Variants in PDE3A observed in about 807,000 individuals in gnomAD.
PDE3A encodes the protein phosphodiesterase 3A.
A neutral mutation model predicts 98.3 loss-of-function variants in PDE3A; 43 were observed. The ratio of observed to expected loss-of-function variants is 0.44; its 90% CI spans 0.34 to 0.56. PDE3A has a LOEUF of 0.56. Among genes scored for constraint, PDE3A ranks in the 20% least tolerant of loss-of-function variants. PDE3A has a pLI of 0.01. For missense variants in PDE3A, 1,427 were observed against 1,440.7 expected (o/e 0.99, Z 0.15); for synonymous variants, 663 against 567.9 (o/e 1.17, Z -2.38).
chr12:20,612,030 T>TTTTGCTGGATCATAGAATATA, intron 2 of PDE3A, among the ~76,000 whole-genome samples: 1 of 151,924 alleles, frequency 6.6e-6, no homozygotes, highest in Non-Finnish European at 1.5e-5. Context: ...ATGTATGTTG[T>TTTTGCTGGATCATAGAATATA]TTTGCTGGAT....
chr12:20,607,986 T>C (rs1943754308), intron 2 of PDE3A, among the ~76,000 whole-genome samples: 1 of 152,186 alleles, frequency 6.6e-6, no homozygotes, highest in Non-Finnish European at 1.5e-5. Flanking sequence ...TTAATAGGCA[T>C]GGAAAAAACT....
intron 12 of PDE3A, among the ~76,000 whole-genome samples, chr12:20,648,218 T>C (rs1021479289): frequency 2.0e-5 from 3 of 151,628 alleles, no homozygotes; most frequent in Admixed American, 6.6e-5. Context: ...ATAATGCTTA[T>C]GCCAGATAGA....
At chr12:20,508,948 C>A (rs1946167586) in intron 1 of PDE3A, among the ~76,000 whole-genome samples, 1 of 151,700 alleles carries the variant, frequency 6.6e-6, no homozygotes, top group African/African-American at 2.4e-5. Context: ...GGAATTATAT[C>A]TTTAAATGAG....
chr12:20,509,940 C>T (rs1243250569), intron 1 of PDE3A, among the ~76,000 whole-genome samples: 3 of 151,818 alleles, frequency 2.0e-5, no homozygotes, highest in African/African-American at 7.3e-5. Flanking sequence ...GTTTTTTAGC[C>T]ATTTGTATTT....
rs1270628296 is a variant in PDE3A at position 20,680,036 on chromosome 12, A to C, written c.3191A>C (p.Lys1064Thr). Residue 1064 changes from lysine (K) to threonine (T), a missense_variant, in exon 16 of 16, where the codon AAG becomes ACG. Around this residue, in one of 3 missense-constraint regions of PDE3A, gnomAD observed 142 missense variants for 133.9 expected, o/e 1.06. Coordinates refer to ENST00000359062, the MANE Select transcript of PDE3A (RefSeq NM_000921.5). The part of the protein sequence containing the change: ...TCENNESPKK[K>T]TFKRRKIYCQ... The stretch of plus-strand genomic sequence containing the variant: ...TTTATTTTATTTATTTTAGAAAAGA[A>C]GACTTTCAAAAGGAGAAAAATCTAC... 3 of 1,593,154 alleles carry C rather than the reference A, an allele frequency of 1.9e-6. No homozygotes were observed. Among genetic ancestry groups the C allele is most frequent in the Non-Finnish European group, 1.7e-6 (2 of 1,165,152 alleles).
At chr12:20,468,306 T>A (rs1591963312) in intron 1 of PDE3A, among the ~76,000 whole-genome samples, 1 of 152,322 alleles carries the variant, frequency 6.6e-6, no homozygotes, top group South Asian at 2.1e-4. Flanking sequence ...ATCATTAGTC[T>A]TTTGTCTTAA....
At chr12:20,405,298 C>T (rs941452997) in intron 1 of PDE3A, among the ~76,000 whole-genome samples, 5 of 152,146 alleles carry the variant, frequency 3.3e-5, no homozygotes, top group Non-Finnish European at 7.4e-5. Context: ...TTACTCCAGT[C>T]GCTACCTCCT....
At chr12:20,499,742 T>A (rs1945987538) in intron 1 of PDE3A, among the ~76,000 whole-genome samples, 1 of 152,158 alleles carries the variant, frequency 6.6e-6, no homozygotes, top group South Asian at 2.1e-4. Context: ...AAATGTACGG[T>A]TCAATTAGTT....
At chr12:20,530,950 G>A (rs1941580798) in intron 1 of PDE3A, among the ~76,000 whole-genome samples, 4 of 152,042 alleles carry the variant, frequency 2.6e-5, no homozygotes, top group Admixed American at 2.6e-4. Flanking sequence ...TTGTTATCTG[G>A]TTCAGGTTTT....
chr12:20,665,735 A>G (rs146662289), intron 15 of PDE3A, among the ~76,000 whole-genome samples: 1 of 152,228 alleles, frequency 6.6e-6, no homozygotes, highest in East Asian at 1.9e-4. Flanking sequence ...GATTTTTTAT[A>G]GTCATTTTCA....
At chr12:20,460,152 A>C (rs1227194837) in intron 1 of PDE3A, among the ~76,000 whole-genome samples, 2 of 152,160 alleles carry the variant, frequency 1.3e-5, no homozygotes, top group Non-Finnish European at 2.9e-5. Context: ...TCAACTCTCT[A>C]ATCAATGCCT....
At chr12:20,503,063 T>A (rs1005376038) in intron 1 of PDE3A, among the ~76,000 whole-genome samples, 7 of 152,120 alleles carry the variant, frequency 4.6e-5, no homozygotes, top group African/African-American at 1.7e-4. Context: ...AAAACTGTTA[T>A]AGCTGTCATT....
chr12:20,612,124 C>G (rs547224013), intron 2 of PDE3A, among the ~76,000 whole-genome samples: 1 of 151,940 alleles, frequency 6.6e-6, no homozygotes, highest in East Asian at 1.9e-4. Flanking sequence ...TTCCTCACTA[C>G]TCGTTTACCC....
At chr12:20,665,878 G>A (rs7296571) in intron 15 of PDE3A, among the ~76,000 whole-genome samples, 6,761 of 150,532 alleles carry the variant, frequency 0.045, 268 homozygotes, top group African/African-American at 0.1. Flanking sequence ...TGGGGCACAT[G>A]ATATTTTGCT....
At chr12:20,459,052 T>C (rs1365484932) in intron 1 of PDE3A, among the ~76,000 whole-genome samples, 1 of 152,174 alleles carries the variant, frequency 6.6e-6, no homozygotes, top group Non-Finnish European at 1.5e-5. Flanking sequence ...AGTGCTTTCT[T>C]ATCAGATGGA....
In PDE3A at chr12:20,396,054, C is replaced by T. The variant is rs73234007; in HGVS notation, c.960+25810C>T. ...GGGATTACAAACATGAGCCACTGCACTTGGCCTATTCTTCCATATTGTCAT... is the reference window on the plus strand; with the variant it reads ...GGGATTACAAACATGAGCCACTGCATTTGGCCTATTCTTCCATATTGTCAT... On this transcript the variant is annotated intron_variant, in intron 1 of 15. Transcript: ENST00000359062. Among the ~76,000 whole-genome samples the T allele has an allele frequency of 6.5e-3, 989 of 152,074 alleles. 8 individuals carry two copies. Among genetic ancestry groups the T allele is most frequent in the African/African-American group, 0.023 (947 of 41,486 alleles).
chr12:20,520,120 A>C (rs1479700818), intron 1 of PDE3A, among the ~76,000 whole-genome samples: 2 of 152,294 alleles, frequency 1.3e-5, no homozygotes, highest in East Asian at 3.9e-4. Context: ...AGTAATGAAA[A>C]ATCCAACGTG....
intron 15 of PDE3A, among the ~76,000 whole-genome samples, chr12:20,655,227 C>T (rs1256625722): frequency 6.6e-6 from 1 of 151,712 alleles, no homozygotes; most frequent in African/African-American, 2.4e-5. Context: ...GGTAAGATAT[C>T]CAGGGATAGG....
rs530776662 is a variant in PDE3A, at chr12:20,670,755, C to G, written c.3185-9275C>G. ...CCCACAAGAGAAAGCAGGAAAGATCCAAAATTGACACCCTAACATCACAAT... is the reference window on the plus strand; with the variant it reads ...CCCACAAGAGAAAGCAGGAAAGATCGAAAATTGACACCCTAACATCACAAT... On this transcript the variant is annotated intron_variant, in intron 15 of 15. Coordinates refer to ENST00000359062, the MANE Select transcript of PDE3A (RefSeq NM_000921.5). Among the ~76,000 whole-genome samples the G allele has an allele frequency of 1.1e-3, 156 of 138,810 alleles. 1 individual carries two copies. The highest frequency in any genetic ancestry group is 7.0e-3 in the Middle Eastern group (2 of 286). The allele number at this position is 138,810 out of a possible 152,430, so 91.1% of individuals were successfully genotyped here. A position where few individuals can be genotyped will look rare whatever the true frequency, so the allele number is the denominator to read the frequency against.
Sources: gnomAD v4.1 joint callset for allele counts (sites outside exome capture counted in the v4.1 genomes callset) on GRCh38, gnomAD v4.1.1 for gene constraint, gnomAD v4.1.1 regional missense constraint, MANE v1.5 for transcripts, NCBI Gene and HGNC (gene_info 2026-07-23, HGNC 2026-07-21) for gene names.